Variants in CCSAP observed in about 807,000 individuals in gnomAD.
CCSAP encodes the protein centriole, cilia and spindle associated protein, also known as centriole, cilia and spindle-associated protein.
A neutral mutation model predicts 25.9 loss-of-function variants in CCSAP; 17 were observed. The ratio of observed to expected loss-of-function variants is 0.66; its 90% CI spans 0.45 to 0.99. The LOEUF (loss-of-function observed/expected upper bound fraction) is 0.99. Ranked by LOEUF, CCSAP falls within the 50% of genes least tolerant of loss-of-function variation. The probability of loss-of-function intolerance (pLI) is 0.00; values close to 1 mark genes in which losing one functional copy is unlikely to be tolerated. For synonymous variants in CCSAP, 169 were observed against 157.1 expected (o/e 1.08, Z -0.57); for missense variants, 339 against 367.8 (o/e 0.92, Z 0.64).
chr1:229,329,362 G>C (rs1485091661), intron 2 of CCSAP, among the ~76,000 whole-genome samples: 2 of 152,192 alleles, frequency 1.3e-5, no homozygotes, highest in Non-Finnish European at 2.9e-5. Flanking sequence ...TTCTTCAATG[G>C]CATGGAGAGA....
rs1657900995 is a variant in CCSAP at position 229,324,708 on chromosome 1, T to G, written c.*527A>C. 6.6e-6 allele frequency: 1 copy of G among 152,592 alleles called. No individual in the cohort carries two copies. The highest frequency in any genetic ancestry group is 2.1e-4 in the South Asian group (1 of 4,838). The allele number at this position is 152,592 out of a possible 1,614,324, so 9.5% of individuals were successfully genotyped here. A position where few individuals can be genotyped will look rare whatever the true frequency, so the allele number is the denominator to read the frequency against. ...TTTTCAGGAACTAGCAAAGTTCTAC[T>G]TTCATTATACATGGAATCAGTAGTA... On this transcript the variant is annotated 3_prime_UTR_variant, in exon 4 of 4. Transcript: ENST00000284617.
At chr1:229,326,122 G>T (rs1350702838) in intron 3 of CCSAP, among the ~76,000 whole-genome samples, 1 of 152,214 alleles carries the variant, frequency 6.6e-6, no homozygotes, top group South Asian at 2.1e-4. Flanking sequence ...ACACATGAAG[G>T]TCCTCTCATC....
intron 2 of CCSAP, chr1:229,340,390 T>G (rs1171766502): frequency 7.0e-6 from 5 of 716,516 alleles, no homozygotes; most frequent in Non-Finnish European, 1.3e-5. Context: ...AATCATGAAC[T>G]CAGAGCTTAC....
At position 229,325,337 on chromosome 1, in the gene CCSAP, T is replaced by G; in HGVS notation, c.711A>C (p.Arg237=). Residue 237 remains arginine (R), a synonymous_variant, in exon 4 of 4, where the codon CGA becomes CGC. Transcript: ENST00000284617. ...TCTTCTCCACATCCACAGAGTGAGC[T>G]CGCTGCCTTTGAGCAACCAGTTTCC... ...EKRKLVAQRQ[R]AHSVDVEKNR... 1.2e-6 allele frequency: 2 copies of G among 1,614,238 alleles called. No homozygotes were observed. Among genetic ancestry groups the G allele is most frequent in the Non-Finnish European group, 8.5e-7 (1 of 1,180,032 alleles).
Position 229,342,291 on chromosome 1 carries a change from C to G in CCSAP, c.175G>C (p.Glu59Gln), listed in dbSNP as rs1658355787. The G allele has an allele frequency of 2.1e-6, 3 of 1,405,314 alleles. No individual in the cohort carries two copies. Among genetic ancestry groups the G allele is most frequent in the African/African-American group, 2.9e-5 (2 of 67,918 alleles). 87.1% of individuals were successfully genotyped at this position (1,405,314 alleles called of 1,614,324 possible). Reference sequence around the variant, plus strand: ...GACGACTCTGACGACGCCGAGTCCTCCGAGGAGCCGGCCGGGCCCCAGTCG... The same window carrying G: ...GACGACTCTGACGACGCCGAGTCCTGCGAGGAGCCGGCCGGGCCCCAGTCG... ...WDDWGPAGSS[E>Q]DSASSESSGA... is the part of the protein sequence containing the mutation. Residue 59 changes from glutamate to glutamine, a missense_variant, in exon 2 of 4, where the codon GAG becomes CAG. Glu to Gln is a conservative substitution (Grantham distance 29). Coordinates refer to ENST00000284617, the MANE Select transcript of CCSAP (RefSeq NM_145257.5). The surrounding 1 kb of genome is among the most constrained non-coding windows in gnomAD (Gnocchi z 7.5).
intron 2 of CCSAP, among the ~76,000 whole-genome samples, chr1:229,337,858 G>T (rs1190318950): frequency 6.6e-6 from 1 of 150,526 alleles, no homozygotes; most frequent in African/African-American, 2.4e-5. Flanking sequence ...AAATAAATAA[G>T]AAATAAGAAA....
chr1:229,333,165 G>A lies in CCSAP; in HGVS notation c.368-6159C>T, dbSNP rs7523480. 7.2e-3 allele frequency among the ~76,000 whole-genome samples: 1,102 copies of A among 152,278 alleles called. 17 individuals are homozygous for A. Among genetic ancestry groups the A allele is most frequent in the African/African-American group, 0.025 (1,041 of 41,560 alleles). ...AAACATTTCTAGGCCGGGCGCGGTG[G>A]CTCACGCCTATAATCCCAGCACTTT... On this transcript the variant is annotated intron_variant, in intron 2 of 3. Transcript: ENST00000284617.
rs1043017094 is a variant in CCSAP at position 229,321,459 on chromosome 1, C to A, written c.*3776G>T. 1 of 152,118 alleles carries A rather than the reference C, an allele frequency of 6.6e-6. No individual in the cohort carries two copies. 9.4% of individuals were successfully genotyped at this position (152,118 alleles called of 1,614,324 possible). On this transcript the variant is annotated 3_prime_UTR_variant, in exon 4 of 4. Transcript: ENST00000284617. ...ATAACTCCATATCCACCCTATAGTA[C>A]AAAAATTCATTTCAAATGCAAACGT...
At chr1:229,325,514 G>T in intron 3 of CCSAP, 103 bp from the exon 4 acceptor site, 1 of 1,057,516 alleles carries the variant, frequency 9.5e-7, no homozygotes, top group South Asian at 1.6e-5. Flanking sequence ...AACTGCAGCA[G>T]GGCAGAGTCA....
intron 2 of CCSAP, among the ~76,000 whole-genome samples, chr1:229,336,778 C>G (rs1400662975): frequency 6.6e-6 from 1 of 151,946 alleles, no homozygotes; most frequent in African/African-American, 2.4e-5. Flanking sequence ...ATATTTCTGG[C>G]CTTTTTCTTT....
Position 229,321,326 on chromosome 1 carries a change from G to C in CCSAP, c.*3909C>G, listed in dbSNP as rs1281924700. On this transcript the variant is annotated 3_prime_UTR_variant, in exon 4 of 4. Coordinates refer to ENST00000284617, the MANE Select transcript of CCSAP (RefSeq NM_145257.5). ...TGGAAATAATATTAAAAGAGCAATCGATTTTTTTCCATCTCACACTAGTAG... is the reference window on the plus strand; with the variant it reads ...TGGAAATAATATTAAAAGAGCAATCCATTTTTTTCCATCTCACACTAGTAG... 2 of 152,132 alleles carry C rather than the reference G, an allele frequency of 1.3e-5. No individual in the cohort carries two copies. The highest frequency in any genetic ancestry group is 4.8e-5 in the African/African-American group (2 of 41,430). The allele number at this position is 152,132 out of a possible 1,614,324, so 9.4% of individuals were successfully genotyped here.
intron 2 of CCSAP, among the ~76,000 whole-genome samples, chr1:229,333,291 G>A (rs1658120967): frequency 6.6e-6 from 1 of 151,996 alleles, no homozygotes; most frequent in South Asian, 2.1e-4. Context: ...AAATTAGCCG[G>A]GCGTGGTGTC....
intron 2 of CCSAP, among the ~76,000 whole-genome samples, chr1:229,334,398 A>G (rs1213009950): frequency 6.6e-6 from 1 of 152,240 alleles, no homozygotes; most frequent in Non-Finnish European, 1.5e-5. Context: ...AAATTTGAAA[A>G]TGAGTTTGAA....
Position 229,342,153 on chromosome 1 carries a change from C to A in CCSAP, c.313G>T (p.Asp105Tyr). ...RRARGAPEEQ[D>Y]AEAGDAEAED... ...GCCTCCGCGTCCCCGGCCTCCGCGT[C>A]CTGCTCCTCCGGGGCCCCGCGCGCC... The change falls in exon 2 of 4, where the codon GAC becomes TAC. Residue 105 changes from aspartate to tyrosine, a missense_variant. Asp to Tyr is a radical substitution (Grantham distance 160). Transcript: ENST00000284617. The surrounding 1 kb of genome is among the most constrained non-coding windows in gnomAD (Gnocchi z 7.5). 7.6e-7 allele frequency: 1 copy of A among 1,319,786 alleles called. No homozygotes were observed. Among genetic ancestry groups the A allele is most frequent in the Non-Finnish European group, 9.7e-7 (1 of 1,033,526 alleles). 81.8% of individuals were successfully genotyped at this position (1,319,786 alleles called of 1,614,324 possible). A position where few individuals can be genotyped will look rare whatever the true frequency, so the allele number is the denominator to read the frequency against.
intron 2 of CCSAP, among the ~76,000 whole-genome samples, chr1:229,337,933 A>T (rs1384387565): frequency 2.6e-5 from 4 of 151,776 alleles, no homozygotes; most frequent in Non-Finnish European, 1.5e-5. Flanking sequence ...GAAGCAAAAA[A>T]CAAAAACAAA....
At position 229,343,023 on chromosome 1, in the gene CCSAP, C is replaced by G. The variant is rs556750905; in HGVS notation, c.-160G>C. 6.6e-6 allele frequency: 1 copy of G among 152,330 alleles called. No homozygotes were observed. Among genetic ancestry groups the G allele is most frequent in the South Asian group, 2.1e-4 (1 of 4,832 alleles). The allele number at this position is 152,330 out of a possible 1,614,324, so 9.4% of individuals were successfully genotyped here. ...CGCGCTTTCCTCCTGAGCAAGATGT[C>G]GCCGCGGCGGCCCGCGCTCCAGCTG... is the stretch of plus-strand genomic sequence containing the variant. On this transcript the variant is annotated 5_prime_UTR_variant, in exon 1 of 4. Coordinates refer to ENST00000284617, the MANE Select transcript of CCSAP (RefSeq NM_145257.5).
chr1:229,328,146 CT>C (rs1398031323), intron 2 of CCSAP, among the ~76,000 whole-genome samples: 5 of 152,176 alleles, frequency 3.3e-5, no homozygotes, highest in Non-Finnish European at 7.3e-5. Flanking sequence ...AGTATAAACA[CT>C]TTGTGAGCCT....
Position 229,328,155 on chromosome 1 carries a change from C to A in CCSAP, c.368-1149G>T, listed in dbSNP as rs74900141. Among the ~76,000 whole-genome samples the A allele has an allele frequency of 4.3e-4, 65 of 152,304 alleles. 1 individual carries two copies. The East Asian group carries it at 0.013, about 29-fold the overall frequency. Reference sequence around the variant, plus strand: ...CGATTCAGTATAAACACTTTGTGAGCCTGTGTTTGCTTCCACCTATGGTTC... The same window carrying A: ...CGATTCAGTATAAACACTTTGTGAGACTGTGTTTGCTTCCACCTATGGTTC... On this transcript the variant is annotated intron_variant, in intron 2 of 3. Coordinates refer to ENST00000284617, the MANE Select transcript of CCSAP (RefSeq NM_145257.5).
rs1469547522 is a variant in CCSAP at position 229,323,693 on chromosome 1, A to G, written c.*1542T>C. On this transcript the variant is annotated 3_prime_UTR_variant, in exon 4 of 4. Coordinates refer to ENST00000284617, the MANE Select transcript of CCSAP (RefSeq NM_145257.5). ...AACAAATTCACCTCAAAACTATGCA[A>G]ATATTTAAAAAGTTTTTTTAAGCTC... The G allele has an allele frequency of 2.0e-5, 3 of 152,246 alleles. No individual in the cohort carries two copies. The highest frequency in any genetic ancestry group is 4.8e-5 in the African/African-American group (2 of 41,478). The allele number at this position is 152,246 out of a possible 1,614,324, so 9.4% of individuals were successfully genotyped here. A position where few individuals can be genotyped will look rare whatever the true frequency, so the allele number is the denominator to read the frequency against.
Sources: allele counts gnomAD v4.1 joint callset (sites outside exome capture counted in the v4.1 genomes callset), GRCh38; gene constraint gnomAD v4.1.1; non-coding constraint Gnocchi (gnomAD v3.1); transcripts MANE v1.5; gene names NCBI Gene and HGNC (gene_info 2026-07-23, HGNC 2026-07-21).